DOCK5: variants seen among roughly 807,000 people sequenced by gnomAD.
DOCK5 encodes the protein dedicator of cytokinesis 5, also known as dedicator of cytokinesis protein 5.
A neutral mutation model predicts 251.8 loss-of-function variants in DOCK5; 142 were observed. The ratio of observed to expected loss-of-function variants is 0.56; its 90% CI spans 0.49 to 0.65. The LOEUF is 0.65. Ranked by LOEUF, DOCK5 falls within the 30% of genes least tolerant of loss-of-function variation. The probability of loss-of-function intolerance (pLI) is 0.00; values close to 1 mark genes in which losing one functional copy is unlikely to be tolerated. For synonymous variants in DOCK5, 842 were observed against 835.5 expected (o/e 1.01, Z -0.13); for missense variants, 2,111 against 2,312.3 (o/e 0.91, Z 1.79).
chr8:25,371,555 T>C (rs1318366819), intron 34 of DOCK5, among the ~76,000 whole-genome samples: 1 of 152,238 alleles, frequency 6.6e-6, no homozygotes, highest in Non-Finnish European at 1.5e-5. Context: ...TTTTTAATAG[T>C]GACAAGACCT....
intron 1 of DOCK5, among the ~76,000 whole-genome samples, chr8:25,243,241 A>G (rs1424109573): frequency 3.0e-4 from 45 of 151,944 alleles, no homozygotes; most frequent in Non-Finnish European, 2.9e-5. Context: ...GGAAATGAGG[A>G]TCCATTTCTG....
intron 3 of DOCK5, among the ~76,000 whole-genome samples, 153 bp from the exon 4 acceptor site, chr8:25,275,233 A>G (rs193255697): frequency 2.6e-5 from 4 of 152,308 alleles, no homozygotes; most frequent in African/African-American, 9.6e-5. Flanking sequence ...GGAGGTAGCC[A>G]GTCAACGTAA....
chr8:25,208,259 A>G (rs1802049041), intron 1 of DOCK5, among the ~76,000 whole-genome samples: 1 of 152,252 alleles, frequency 6.6e-6, no homozygotes, highest in African/African-American at 2.4e-5. Flanking sequence ...TTGACAACCA[A>G]GGATTTAGAA....
chr8:25,269,641 T>G (rs1043428796), intron 3 of DOCK5, among the ~76,000 whole-genome samples: 5 of 152,198 alleles, frequency 3.3e-5, no homozygotes, highest in African/African-American at 9.7e-5. Context: ...ATCTATTAAT[T>G]ATGTTAATAC....
At chr8:25,366,613 A>T (rs1800781059) in intron 30 of DOCK5, among the ~76,000 whole-genome samples, 1 of 152,164 alleles carries the variant, frequency 6.6e-6, no homozygotes. Flanking sequence ...CTATAAATAG[A>T]TACACTTCTT....
intron 1 of DOCK5, among the ~76,000 whole-genome samples, chr8:25,221,619 T>A (rs1443826266): frequency 6.6e-6 from 1 of 152,162 alleles, no homozygotes; most frequent in Admixed American, 6.5e-5. Context: ...TTCTGCCAAA[T>A]CTTAAATTCC....
At chr8:25,299,286 GAGGCC>G in intron 8 of DOCK5, 185 bp downstream of exon 8, 1 of 601,380 alleles carries the variant, frequency 1.7e-6, no homozygotes, top group South Asian at 2.6e-5. Flanking sequence ...CTAGAACAAT[GAGGCC>G]AGTTTGTATA....
intron 29 of DOCK5, among the ~76,000 whole-genome samples, chr8:25,363,418 C>T (rs1026825147): frequency 6.6e-6 from 1 of 152,202 alleles, no homozygotes; most frequent in East Asian, 1.9e-4. Flanking sequence ...TGCACCTTTC[C>T]GTGGCTCCAC....
intron 6 of DOCK5, among the ~76,000 whole-genome samples, chr8:25,294,736 T>C (rs1804576382): frequency 6.6e-6 from 1 of 152,182 alleles, no homozygotes; most frequent in Admixed American, 6.5e-5. Context: ...AGTGGTTTAA[T>C]TGACTCATGG....
intron 37 of DOCK5, chr8:25,376,374 T>G: frequency 1.0e-6 from 1 of 985,038 alleles, no homozygotes; most frequent in African/African-American, 1.7e-5. Context: ...AGATCCCATC[T>G]TTATTACTAA....
At chr8:25,196,723 T>G (rs1017676246) in intron 1 of DOCK5, among the ~76,000 whole-genome samples, 5 of 152,186 alleles carry the variant, frequency 3.3e-5, no homozygotes, top group Non-Finnish European at 5.9e-5. Context: ...TAAAGCAAAG[T>G]TTTTCTAACT....
At chr8:25,395,785 C>T (rs778298273) in intron 45 of DOCK5, 66 bp downstream of exon 45, 1 of 1,513,040 alleles carries the variant, frequency 6.6e-7, no homozygotes, top group African/African-American at 1.4e-5. Context: ...TCCCTCTGTG[C>T]CATTTGCCAC....
At chr8:25,377,910 C>CT (rs35469697) in intron 38 of DOCK5, among the ~76,000 whole-genome samples, 61,533 of 142,384 alleles carry the variant, frequency 0.43, 13,025 homozygotes, top group Admixed American at 0.47. Context: ...ATTGGGGTTT[C>CT]TTTTTTTTTT....
chr8:25,400,732 C>A (rs1801424724), intron 46 of DOCK5, among the ~76,000 whole-genome samples, 197 bp from the exon 47 acceptor site: 1 of 152,170 alleles, frequency 6.6e-6, no homozygotes, highest in Non-Finnish European at 1.5e-5. Flanking sequence ...AACCTGTATT[C>A]TTGGTGTGCA....
intron 11 of DOCK5, among the ~76,000 whole-genome samples, chr8:25,307,667 A>T (rs1355855494): frequency 1.3e-5 from 2 of 152,102 alleles, no homozygotes; most frequent in Non-Finnish European, 2.9e-5. Flanking sequence ...TTAATTTCTG[A>T]ACCAGCTTTC....
At position 25,317,045 on chromosome 8, in the gene DOCK5, G is replaced by C. The variant is rs779651246; in HGVS notation, c.1357G>C (p.Gly453Arg). Residue 453 changes from glycine to arginine, a missense_variant, in exon 14 of 52, where the codon GGT becomes CGT. By Grantham distance (125) the Gly-to-Arg change is moderately radical (BLOSUM62 -2). Around this residue, in one of 3 missense-constraint regions of DOCK5, gnomAD observed 1,717 missense variants for 1,892.4 expected, o/e 0.91. Coordinates refer to ENST00000276440, the MANE Select transcript of DOCK5 (RefSeq NM_024940.8). ...RNDIYVTLIH[G>R]EFDKGKKKTP... ...TGACATTTATGTCACCCTGATCCAC[G>C]GTGAGTTTGACAAAGGGAAGAAGAA... The C allele has an allele frequency of 1.2e-6, 2 of 1,613,902 alleles. No homozygotes were observed. The highest frequency in any genetic ancestry group is 1.7e-6 in the Non-Finnish European group (2 of 1,179,860).
intron 51 of DOCK5, 97 bp downstream of exon 51, chr8:25,410,299 T>TA: frequency 9.9e-7 from 1 of 1,012,312 alleles, no homozygotes; most frequent in Non-Finnish European, 1.5e-6. Flanking sequence ...GGTTTGCTCA[T>TA]AGACCTGTCA....
rs28457179 is a variant in DOCK5 at position 25,252,520 on chromosome 8, A to G, written c.127+8763A>G. ...CTTGGATTTTATGACGCTGCGTGCA[A>G]ATATTTTGGCATTAGCCTGGAAAGC... On this transcript the variant is annotated intron_variant, in intron 2 of 51. Coordinates refer to ENST00000276440, the MANE Select transcript of DOCK5 (RefSeq NM_024940.8). Among the ~76,000 whole-genome samples, 284 of 152,338 alleles carry G rather than the reference A, an allele frequency of 1.9e-3. 1 individual carries two copies. Among genetic ancestry groups the G allele is most frequent in the Middle Eastern group, 0.01 (3 of 294 alleles).
intron 37 of DOCK5, 168 bp downstream of exon 37, chr8:25,374,822 G>T: frequency 6.7e-7 from 1 of 1,491,260 alleles, no homozygotes; most frequent in South Asian, 1.3e-5. Flanking sequence ...TGTAGATCAA[G>T]TATGGGAAAA....
Sources: gnomAD v4.1 joint callset for allele counts (sites outside exome capture counted in the v4.1 genomes callset) on GRCh38, gnomAD v4.1.1 for gene constraint, gnomAD v4.1.1 regional missense constraint, MANE v1.5 for transcripts, NCBI Gene and HGNC (gene_info 2026-07-23, HGNC 2026-07-21) for gene names.